The following PTPRM variants were observed in gnomAD, a reference collection of about 807,000 sequenced individuals.
PTPRM encodes protein tyrosine phosphatase receptor type M, also known as receptor-type tyrosine-protein phosphatase mu.
In PTPRM, 47 loss-of-function variants were observed where a neutral mutation model predicts 186.7. The ratio of observed to expected loss-of-function variants is 0.25; its 90% CI spans 0.20 to 0.32. PTPRM has a LOEUF of 0.32. Among genes scored for constraint, PTPRM ranks in the 10% least tolerant of loss-of-function variants. The probability of loss-of-function intolerance (pLI) is 1.00; values close to 1 mark genes in which losing one functional copy is unlikely to be tolerated. For missense variants in PTPRM, 1,494 were observed against 1,865.0 expected, an observed-to-expected ratio of 0.80 and a Z score of 3.66; for synonymous variants, 668 against 674.9, an observed-to-expected ratio of 0.99 and a Z score of 0.16.
intron 14 of PTPRM, among the ~76,000 whole-genome samples, chr18:8,158,783 C>T (rs2093172601): frequency 6.6e-6 from 1 of 152,184 alleles, no homozygotes; most frequent in Non-Finnish European, 1.5e-5. Context: ...GCAGGCGTGT[C>T]CCATGGCAAG....
chr18:8,040,699 A>C (rs1319881106), intron 7 of PTPRM, among the ~76,000 whole-genome samples: 1 of 152,220 alleles, frequency 6.6e-6, no homozygotes, highest in African/African-American at 2.4e-5. Context: ...TTGTTCGATG[A>C]GAGAGCTATT....
chr18:8,135,435 G>A (rs2092615828), intron 13 of PTPRM, among the ~76,000 whole-genome samples: 1 of 152,070 alleles, frequency 6.6e-6, no homozygotes, highest in East Asian at 1.9e-4. Flanking sequence ...TGTTGTGTAG[G>A]GAATCCCCAA....
At chr18:8,203,107 T>G (rs986996922) in intron 14 of PTPRM, among the ~76,000 whole-genome samples, 1 of 152,240 alleles carries the variant, frequency 6.6e-6, no homozygotes, top group African/African-American at 2.4e-5. Flanking sequence ...TGACCGAATG[T>G]ATATCTACGT....
intron 4 of PTPRM, among the ~76,000 whole-genome samples, chr18:7,924,119 G>A (rs1055723212): frequency 6.6e-6 from 1 of 152,204 alleles, no homozygotes; most frequent in Middle Eastern, 3.2e-3. Context: ...TGGATTTGAA[G>A]CGTCTTCAGT....
chr18:8,238,817 G>A (rs1251775499), intron 14 of PTPRM, among the ~76,000 whole-genome samples: 1 of 151,308 alleles, frequency 6.6e-6, no homozygotes, highest in Non-Finnish European at 1.5e-5. Context: ...GTGAACCTGT[G>A]CCTCTGGACT....
intron 1 of PTPRM, among the ~76,000 whole-genome samples, chr18:7,708,456 C>T (rs541822808): frequency 2.0e-5 from 3 of 152,168 alleles, no homozygotes; most frequent in Admixed American, 6.5e-5. Context: ...GCTTTTTATA[C>T]TACTGGCTTG....
At chr18:8,229,693 T>C (rs919763332) in intron 14 of PTPRM, among the ~76,000 whole-genome samples, 1 of 152,216 alleles carries the variant, frequency 6.6e-6, no homozygotes, top group Non-Finnish European at 1.5e-5. Flanking sequence ...TAATTTCAAC[T>C]TGTTTTAAAA....
At chr18:7,645,710 A>G (rs930812139) in intron 1 of PTPRM, among the ~76,000 whole-genome samples, 2 of 152,342 alleles carry the variant, frequency 1.3e-5, no homozygotes, top group South Asian at 2.1e-4. Flanking sequence ...CGATGGTGCC[A>G]TTCTCTTCTG....
chr18:8,369,169 A>T (rs1265993872), intron 23 of PTPRM, among the ~76,000 whole-genome samples: 3 of 152,252 alleles, frequency 2.0e-5, no homozygotes, highest in Non-Finnish European at 4.4e-5. Flanking sequence ...GTCCTTGAAC[A>T]TAAAATATAT....
intron 1 of PTPRM, among the ~76,000 whole-genome samples, chr18:7,604,108 A>G (rs922914394): frequency 6.6e-6 from 1 of 152,256 alleles, no homozygotes; most frequent in African/African-American, 2.4e-5. Flanking sequence ...ATTGAGCCCA[A>G]TACATTTATT....
chr18:7,816,131 G>A lies in PTPRM; in HGVS notation c.196+41860G>A, dbSNP rs1466153096. Reference sequence around the variant, plus strand: ...AGAATTCTGTGATAAAATAAGCTTGGCAGTTCCTTTACTCCAGGACTTGGT... The same window carrying A: ...AGAATTCTGTGATAAAATAAGCTTGACAGTTCCTTTACTCCAGGACTTGGT... On this transcript the variant is annotated intron_variant, in intron 2 of 32. Coordinates refer to ENST00000580170, the MANE Select transcript of PTPRM (RefSeq NM_001105244.2). 5.3e-5 allele frequency among the ~76,000 whole-genome samples: 8 copies of A among 152,264 alleles called. No homozygotes were observed. The South Asian group carries it at 1.7e-3, about 32-fold the overall frequency.
At chr18:8,372,200 T>TAGTCCCTC (rs2095667395) in intron 24 of PTPRM, among the ~76,000 whole-genome samples, 1 of 146,478 alleles carries the variant, frequency 6.8e-6, no homozygotes, top group Non-Finnish European at 1.5e-5. Context: ...GCCTCCCGAG[T>TAGTCCCTC]AGCTGGGACT....
intron 14 of PTPRM, among the ~76,000 whole-genome samples, chr18:8,191,530 ACATGGAGCCAAGCCTTCTGTGTAACG>A (rs1267701352): frequency 1.3e-5 from 2 of 152,218 alleles, no homozygotes; most frequent in Admixed American, 1.3e-4. Context: ...AAATGACTGT[ACATGGAGCCAAGCCTTCTGTGTAACG>A]AAAAAGGGGG....
intron 2 of PTPRM, among the ~76,000 whole-genome samples, chr18:7,832,003 A>C (rs139004820): frequency 1.8e-4 from 28 of 152,302 alleles, no homozygotes; most frequent in Non-Finnish European, 3.2e-4. Flanking sequence ...TATAAGTACC[A>C]CGTTTTCCTT....
At chr18:7,677,165 TA>T (rs1486004069) in intron 1 of PTPRM, among the ~76,000 whole-genome samples, 1 of 152,218 alleles carries the variant, frequency 6.6e-6, no homozygotes, top group Admixed American at 6.5e-5. Flanking sequence ...AAAACCACGT[TA>T]TTTCTAGAAT....
chr18:8,396,285 G>C (rs910743564), intron 32 of PTPRM, among the ~76,000 whole-genome samples: 2 of 152,230 alleles, frequency 1.3e-5, no homozygotes, highest in Admixed American at 1.3e-4. Flanking sequence ...CTGTGGCTTT[G>C]TGAGGTGGTT....
At position 8,240,482 on chromosome 18, in the gene PTPRM, GGAGA is replaced by G. The variant is rs143950976; in HGVS notation, c.2301-3560_2301-3557del. Among the ~76,000 whole-genome samples the G allele has an allele frequency of 6.1e-4, 16 of 26,290 alleles. 1 individual carries two copies. The highest frequency in any genetic ancestry group is 2.1e-3 in the African/African-American group (11 of 5,212). 17.2% of individuals were successfully genotyped at this position (26,290 alleles called of 152,430 possible). ...GAGAGAGAGGGAGGGAGGGAGGGGA[GGAGA>G]GAGAGAGAGAGAGAGGAAGGAAGGA... On this transcript the variant is annotated intron_variant, in intron 14 of 32. Coordinates refer to ENST00000580170, the MANE Select transcript of PTPRM (RefSeq NM_001105244.2).
At chr18:7,704,412 T>G (rs1047737325) in intron 1 of PTPRM, among the ~76,000 whole-genome samples, 1 of 152,190 alleles carries the variant, frequency 6.6e-6, no homozygotes, top group African/African-American at 2.4e-5. Context: ...AGGGTGTGTG[T>G]GTCTAGGAAT....
chr18:7,712,175 A>G (rs2040227176), intron 1 of PTPRM, among the ~76,000 whole-genome samples: 1 of 152,228 alleles, frequency 6.6e-6, no homozygotes, highest in Non-Finnish European at 1.5e-5. Context: ...ACAGGCAGCT[A>G]TCTTTACTGT....
Sources: allele counts gnomAD v4.1 joint callset (sites outside exome capture counted in the v4.1 genomes callset), GRCh38; gene constraint gnomAD v4.1.1; transcripts MANE v1.5; gene names NCBI Gene and HGNC (gene_info 2026-07-23, HGNC 2026-07-21).